Variants in PCSK6 observed in about 807,000 individuals in gnomAD.
PCSK6 encodes the protein proprotein convertase subtilisin/kexin type 6.
PCSK6 carries 85 observed loss-of-function variants against 123.3 expected under a neutral mutation model. The observed-to-expected ratio is 0.69, with a 90% confidence interval of 0.58 to 0.83. The LOEUF is 0.83. PCSK6 is among the 40% of genes least tolerant of loss of function. PCSK6 has a pLI of 0.00. For missense variants in PCSK6, 1,191 were observed against 1,282.3 expected (o/e 0.93, Z 1.09); for synonymous variants, 508 against 516.0 (o/e 0.98, Z 0.21).
chr15:101,458,866 T>C (rs1029983635), intron 1 of PCSK6, among the ~76,000 whole-genome samples: 2 of 152,194 alleles, frequency 1.3e-5, no homozygotes, highest in African/African-American at 4.8e-5. Flanking sequence ...TTCTACCTAA[T>C]TCCTTCACAT....
In PCSK6 at chr15:101,398,711, C is replaced by G; in HGVS notation, c.824-135G>C. On this transcript the variant is annotated intron_variant, in intron 6 of 21. Transcript: ENST00000611716. This position sits in a 1 kb window ranked among gnomAD's most constrained non-coding sequence, Gnocchi z 4.6. ...CCAGCAGGGGCTGTTCCCAGTCATTCTGCAAAACTGGCTCCTCTTCTCCAT... is the reference window on the plus strand; with the variant it reads ...CCAGCAGGGGCTGTTCCCAGTCATTGTGCAAAACTGGCTCCTCTTCTCCAT... The G allele has an allele frequency of 1.1e-6, 1 of 943,162 alleles. No homozygotes were observed. The highest frequency in any genetic ancestry group is 1.5e-6 in the Non-Finnish European group (1 of 654,166). The allele number at this position is 943,162 out of a possible 1,614,324, so 58.4% of individuals were successfully genotyped here.
chr15:101,460,742 G>A (rs1252816720), intron 1 of PCSK6, among the ~76,000 whole-genome samples: 3 of 152,168 alleles, frequency 2.0e-5, no homozygotes, highest in Non-Finnish European at 4.4e-5. Context: ...ACAGGGCAAA[G>A]AAAGACTAAA....
At chr15:101,402,903 C>T (rs1190062445) in intron 6 of PCSK6, among the ~76,000 whole-genome samples, 1 of 152,122 alleles carries the variant, frequency 6.6e-6, no homozygotes, top group Non-Finnish European at 1.5e-5. Flanking sequence ...CCATTTGACC[C>T]AGCCATCCCA....
In PCSK6 at chr15:101,470,668, T is replaced by C. The variant is rs76402350; in HGVS notation, c.297+18706A>G. Among the ~76,000 whole-genome samples the C allele has an allele frequency of 4.3e-3, 648 of 152,272 alleles. 2 individuals are homozygous for C. Among genetic ancestry groups the C allele is most frequent in the African/African-American group, 0.015 (615 of 41,546 alleles). ...ATAATGCTTTCATTCTTCTCTTCTC[T>C]CCCCACCCCCACTTCTCCAACGTGC... is the stretch of plus-strand genomic sequence containing the variant. On this transcript the variant is annotated intron_variant, in intron 1 of 21. Transcript: ENST00000611716.
intron 1 of PCSK6, among the ~76,000 whole-genome samples, chr15:101,450,009 C>T (rs536047485): frequency 6.6e-6 from 1 of 152,120 alleles, no homozygotes; most frequent in African/African-American, 2.4e-5. Context: ...CACGCCAGAG[C>T]AGCATCAACA....
intron 1 of PCSK6, among the ~76,000 whole-genome samples, chr15:101,451,326 T>C (rs12914484): frequency 6.6e-6 from 1 of 151,574 alleles, no homozygotes; most frequent in African/African-American, 2.4e-5. Flanking sequence ...AGCTCTCCAA[T>C]GGACGTGACT....
chr15:101,489,167 A>C (rs111969957), intron 1 of PCSK6, among the ~76,000 whole-genome samples: 12,759 of 21,656 alleles, frequency 0.59, 2,543 homozygotes, highest in African/African-American at 0.67. Flanking sequence ...AGTCCCCCCC[A>C]CCCCGCCGAG....
intron 6 of PCSK6, 40 bp downstream of exon 6, chr15:101,427,849 GCCC>G (rs779420455): frequency 1.5e-4 from 222 of 1,471,954 alleles, no homozygotes; most frequent in Non-Finnish European, 2.0e-4. Context: ...AGCTGCCCCT[GCCC>G]CAGGCCCCTC....
At chr15:101,480,229 G>A (rs1223563800) in intron 1 of PCSK6, among the ~76,000 whole-genome samples, 2 of 152,242 alleles carry the variant, frequency 1.3e-5, no homozygotes, top group African/African-American at 4.8e-5. Context: ...GATGGATGCT[G>A]GCCGGTGGCA....
At chr15:101,315,964 G>T (rs1034613798) in intron 19 of PCSK6, among the ~76,000 whole-genome samples, 3 of 152,204 alleles carry the variant, frequency 2.0e-5, no homozygotes, top group African/African-American at 7.2e-5. Context: ...GACAGATTCC[G>T]CCATGCCCTA....
At chr15:101,373,063 C>T (rs1024832062) in intron 11 of PCSK6, among the ~76,000 whole-genome samples, 3 of 151,710 alleles carry the variant, frequency 2.0e-5, no homozygotes, top group Admixed American at 1.3e-4. Context: ...TGAGCCCCAC[C>T]CACAGAGCGA....
intron 13 of PCSK6, among the ~76,000 whole-genome samples, chr15:101,358,393 C>T (rs1009206639): frequency 1.3e-5 from 2 of 152,236 alleles, no homozygotes; most frequent in African/African-American, 4.8e-5. Flanking sequence ...TTCTTTCAGC[C>T]GGAAATCCCT....
intron 6 of PCSK6, among the ~76,000 whole-genome samples, chr15:101,408,011 C>G (rs2141609158): frequency 6.6e-6 from 1 of 152,344 alleles, no homozygotes; most frequent in South Asian, 2.1e-4. Flanking sequence ...TTCACGGTCT[C>G]CCCGCTAGGG....
At chr15:101,448,409 CAT>C (rs536354045) in intron 1 of PCSK6, among the ~76,000 whole-genome samples, 259 of 152,312 alleles carry the variant, frequency 1.7e-3, no homozygotes, top group African/African-American at 6.0e-3. Flanking sequence ...AATATGTGCA[CAT>C]GATACAAAAC....
chr15:101,460,994 A>T (rs936311203), intron 1 of PCSK6, among the ~76,000 whole-genome samples: 9 of 152,230 alleles, frequency 5.9e-5, no homozygotes, highest in African/African-American at 1.9e-4. Context: ...AAAGAAAAAA[A>T]AATGAGAAGA....
In PCSK6 at chr15:101,389,494, G is replaced by A. The variant is rs777936708; in HGVS notation, c.1280C>T (p.Ala427Val). Residue 427 changes from alanine (A) to valine (V), a missense_variant, in exon 9 of 22, where the codon GCG (alanine) becomes GTG (valine). Around this residue, in one of 3 missense-constraint regions of PCSK6, gnomAD observed 357 missense variants for 484.5 expected, o/e 0.74. Transcript: ENST00000611716. ...TGTSVSAPMV[A>V]GIIALALEAN... ...TTCTAGAGCCAAGGCGATGATGCCC[G>A]CCACCATGGGGGCAGAGACTGAGGT... 8 of 1,613,392 alleles carry A rather than the reference G, an allele frequency of 5.0e-6. No homozygotes were observed. The highest frequency in any genetic ancestry group is 1.7e-5 in the Admixed American group (1 of 60,016).
chr15:101,488,363 G>A (rs896531312), intron 1 of PCSK6, among the ~76,000 whole-genome samples: 9 of 152,268 alleles, frequency 5.9e-5, no homozygotes, highest in African/African-American at 1.9e-4. Flanking sequence ...CCAACTCACC[G>A]CCCCTCAGCC....
intron 18 of PCSK6, among the ~76,000 whole-genome samples, chr15:101,322,269 T>A (rs2040142572): frequency 6.6e-6 from 1 of 152,230 alleles, no homozygotes; most frequent in Non-Finnish European, 1.5e-5. Context: ...AGCCCTGTGC[T>A]GTACGTGATG....
chr15:101,411,489 A>G (rs2055683000), intron 6 of PCSK6, among the ~76,000 whole-genome samples: 1 of 152,176 alleles, frequency 6.6e-6, no homozygotes, highest in African/African-American at 2.4e-5. Context: ...GTCAGACCAG[A>G]CAACCACCCA....
Sources: allele counts gnomAD v4.1 joint callset (sites outside exome capture counted in the v4.1 genomes callset), GRCh38; gene constraint gnomAD v4.1.1; regional missense constraint gnomAD v4.1.1; non-coding constraint Gnocchi (gnomAD v3.1); transcripts MANE v1.5; gene names NCBI Gene and HGNC (gene_info 2026-07-23, HGNC 2026-07-21).